The following PKHD1L1 variants were observed in gnomAD, a reference collection of about 807,000 sequenced individuals.
The protein encoded by PKHD1L1 is PKHD1 like 1.
A neutral mutation model predicts 462.9 loss-of-function variants in PKHD1L1; 434 were observed. The ratio of observed to expected loss-of-function variants is 0.94; its 90% CI spans 0.87 to 1.02. PKHD1L1 has a LOEUF of 1.02. Ranked by LOEUF, PKHD1L1 falls within the 50% of genes least tolerant of loss-of-function variation. The probability of loss-of-function intolerance (pLI) is 0.00; values close to 1 mark genes in which losing one functional copy is unlikely to be tolerated. For missense variants in PKHD1L1, 5,202 were observed against 5,096.1 expected (o/e 1.02, Z -0.63); for synonymous variants, 1,781 against 1,750.0 (o/e 1.02, Z -0.44).
chr8:109,508,315 T>C, intron 70 of PKHD1L1, 51 bp downstream of exon 70: 1 of 1,507,166 alleles, frequency 6.6e-7, no homozygotes, highest in Non-Finnish European at 9.0e-7. Flanking sequence ...TTGCTTGTTA[T>C]TAAATGCATG....
intron 6 of PKHD1L1, among the ~76,000 whole-genome samples, chr8:109,386,835 T>G (rs886222150): frequency 6.6e-6 from 1 of 152,120 alleles, no homozygotes; most frequent in Non-Finnish European, 1.5e-5. Context: ...AAGAGATTCC[T>G]TTTTTCCCCC....
At chr8:109,391,455 T>C (rs547241756) in intron 9 of PKHD1L1, among the ~76,000 whole-genome samples, 1 of 152,290 alleles carries the variant, frequency 6.6e-6, no homozygotes, top group Admixed American at 6.5e-5. Flanking sequence ...CTTGGGAGCA[T>C]TTGCAAATGT....
At chr8:109,433,318 G>T in intron 28 of PKHD1L1, 102 bp downstream of exon 28, 1 of 1,008,740 alleles carries the variant, frequency 9.9e-7, no homozygotes, top group East Asian at 2.4e-5. Context: ...CAATTATCAT[G>T]ATCCAGTATT....
chr8:109,492,357 G>T (rs920457101), intron 62 of PKHD1L1, among the ~76,000 whole-genome samples: 1 of 151,672 alleles, frequency 6.6e-6, no homozygotes, highest in African/African-American at 2.4e-5. Flanking sequence ...TACAGGCAAG[G>T]TTATTATACT....
chr8:109,401,633 G>A lies in PKHD1L1; in HGVS notation c.1373+45G>A, dbSNP rs146457372. ...TTAAATTACTGTGTGGTATTTATAA[G>A]CTTTAAGTTTATATTTTAAAATATT... On this transcript the variant is annotated intron_variant, in intron 14 of 77. Transcript: ENST00000378402. 8.1e-3 allele frequency: 7,939 copies of A among 984,562 alleles called. 65 individuals are homozygous for A. Among genetic ancestry groups the A allele is most frequent in the Middle Eastern group, 0.044 (202 of 4,632 alleles). 61.0% of individuals were successfully genotyped at this position (984,562 alleles called of 1,614,324 possible). A position where few individuals can be genotyped will look rare whatever the true frequency, so the allele number is the denominator to read the frequency against.
At chr8:109,384,252 C>A in intron 5 of PKHD1L1, 125 bp downstream of exon 5, 1 of 827,648 alleles carries the variant, frequency 1.2e-6, no homozygotes, top group Non-Finnish European at 1.9e-6. Flanking sequence ...ATAAAAATAA[C>A]TATCAGCCAG....
intron 77 of PKHD1L1, among the ~76,000 whole-genome samples, chr8:109,527,360 T>C (rs1252863921): frequency 6.6e-6 from 1 of 151,894 alleles, no homozygotes; most frequent in East Asian, 1.9e-4. Context: ...AAAAATTAGC[T>C]GGGCATGGTG....
intron 76 of PKHD1L1, among the ~76,000 whole-genome samples, chr8:109,525,707 C>G (rs1820780679): frequency 6.6e-6 from 1 of 151,862 alleles, no homozygotes; most frequent in Non-Finnish European, 1.5e-5. Flanking sequence ...ATTATTTGCT[C>G]ATCAAAAAAA....
At chr8:109,376,263 A>C (rs181706175) in intron 2 of PKHD1L1, among the ~76,000 whole-genome samples, 2 of 152,216 alleles carry the variant, frequency 1.3e-5, no homozygotes, top group African/African-American at 4.8e-5. Flanking sequence ...CTGTGCTAGC[A>C]ATGAGCAAGG....
intron 75 of PKHD1L1, 61 bp downstream of exon 75, chr8:109,522,951 G>T: frequency 4.1e-6 from 6 of 1,477,436 alleles, no homozygotes; most frequent in South Asian, 1.4e-5. Context: ...TCTGAAGGAT[G>T]AGCCAGTTTC....
Position 109,442,989 on chromosome 8 carries a change from T to C in PKHD1L1, c.4437T>C (p.Tyr1479=), listed in dbSNP as rs1265327898. Reference sequence around the variant, plus strand: ...TTACTTCTCCTGGAATCCATTATTATAGCAGCGGGTATGTTGATGAGGCTC... The same window carrying C: ...TTACTTCTCCTGGAATCCATTATTACAGCAGCGGGTATGTTGATGAGGCTC... ...YQFTSPGIHY[Y]SSGYVDEAHS... The change falls in exon 36 of 78, where the codon TAT becomes TAC. Residue 1479 remains tyrosine (Y), a synonymous_variant. Coordinates refer to ENST00000378402, the MANE Select transcript of PKHD1L1 (RefSeq NM_177531.6). 1.2e-6 allele frequency: 2 copies of C among 1,613,492 alleles called. No individual in the cohort carries two copies. The highest frequency in any genetic ancestry group is 1.7e-6 in the Non-Finnish European group (2 of 1,179,592).
At chr8:109,434,402 T>C (rs1460395280) in intron 28 of PKHD1L1, among the ~76,000 whole-genome samples, 1 of 151,306 alleles carries the variant, frequency 6.6e-6, no homozygotes, top group Non-Finnish European at 1.5e-5. Context: ...AGTAAGAAAA[T>C]GTTTTCATTT....
intron 2 of PKHD1L1, among the ~76,000 whole-genome samples, chr8:109,369,368 T>C (rs1481637120): frequency 1.3e-5 from 2 of 152,164 alleles, no homozygotes; most frequent in East Asian, 3.8e-4. Flanking sequence ...GTCAGAAATA[T>C]TTATATACTT....
chr8:109,446,897 T>G (rs1451503816), intron 38 of PKHD1L1, among the ~76,000 whole-genome samples: 1 of 152,174 alleles, frequency 6.6e-6, no homozygotes, highest in African/African-American at 2.4e-5. Flanking sequence ...AATTAAATGT[T>G]AAGACCTGTA....
chr8:109,390,632 C>G, intron 9 of PKHD1L1, 138 bp downstream of exon 9: 1 of 420,946 alleles, frequency 2.4e-6, no homozygotes, highest in East Asian at 3.7e-5. Context: ...GTTAAAGAGT[C>G]TGTACCTTCT....
chr8:109,461,376 C>T (rs1304357421), intron 47 of PKHD1L1, among the ~76,000 whole-genome samples: 3 of 152,082 alleles, frequency 2.0e-5, no homozygotes, highest in Non-Finnish European at 4.4e-5. Context: ...GTTCTATTTA[C>T]TATGGTTGTA....
intron 38 of PKHD1L1, 115 bp downstream of exon 38, chr8:109,445,760 C>T (rs1216312018): frequency 8.1e-6 from 9 of 1,107,808 alleles, no homozygotes; most frequent in Non-Finnish European, 1.1e-5. Context: ...AATGTTCCCA[C>T]TTACACTTAA....
At chr8:109,447,324 A>G (rs1041492521) in intron 38 of PKHD1L1, among the ~76,000 whole-genome samples, 6 of 152,224 alleles carry the variant, frequency 3.9e-5, no homozygotes, top group Non-Finnish European at 4.4e-5. Context: ...TATTTAAGCA[A>G]TCCTCACTAT....
chr8:109,479,501 G>A (rs1267469341), intron 53 of PKHD1L1, 50 bp from the exon 54 acceptor site: 3 of 1,186,978 alleles, frequency 2.5e-6, no homozygotes, highest in African/African-American at 1.5e-5. Context: ...GACAAAATTA[G>A]GGAATATCAC....
Sources: gnomAD v4.1 joint callset for allele counts (sites outside exome capture counted in the v4.1 genomes callset) on GRCh38, gnomAD v4.1.1 for gene constraint, MANE v1.5 for transcripts, NCBI Gene and HGNC (gene_info 2026-07-23, HGNC 2026-07-21) for gene names.